USP37: variants seen among roughly 807,000 people sequenced by gnomAD.
USP37 encodes the protein ubiquitin specific peptidase 37.
In USP37, 27 loss-of-function variants were observed where a neutral mutation model predicts 124.0. The ratio of observed to expected loss-of-function variants is 0.22; its 90% CI spans 0.16 to 0.30. The LOEUF is 0.30. Among genes scored for constraint, USP37 ranks in the 10% least tolerant of loss-of-function variants. The probability of loss-of-function intolerance (pLI) is 1.00; values close to 1 mark genes in which losing one functional copy is unlikely to be tolerated. For missense variants in USP37, 889 were observed against 1,140.4 expected (o/e 0.78, Z 3.17); for synonymous variants, 365 against 388.0 (o/e 0.94, Z 0.70).
chr2:218,535,285 G>A (rs1691560558), intron 8 of USP37, among the ~76,000 whole-genome samples: 1 of 151,818 alleles, frequency 6.6e-6, no homozygotes, highest in Non-Finnish European at 1.5e-5. Context: ...AGAATCACTT[G>A]AACCTGGGAG....
chr2:218,527,102 C>T (rs544887098), intron 10 of USP37, among the ~76,000 whole-genome samples: 5 of 152,188 alleles, frequency 3.3e-5, no homozygotes, highest in Non-Finnish European at 5.9e-5. Context: ...TTTATCATCT[C>T]GGTTTCCTTG....
intron 11 of USP37, among the ~76,000 whole-genome samples, chr2:218,506,836 G>A (rs6755376): frequency 0.058 from 8,600 of 149,042 alleles, 363 homozygotes; most frequent in East Asian, 0.12. Context: ...TTGCTCTGTC[G>A]CCCAGGCTGG....
intron 22 of USP37, among the ~76,000 whole-genome samples, chr2:218,461,248 C>T (rs1406082905): frequency 2.0e-5 from 3 of 152,148 alleles, no homozygotes; most frequent in African/African-American, 2.4e-5. Context: ...TGGCTCACAC[C>T]TGTAATCCCA....
chr2:218,545,784 G>C (rs1389821401), intron 8 of USP37, among the ~76,000 whole-genome samples: 1 of 152,110 alleles, frequency 6.6e-6, no homozygotes, highest in African/African-American at 2.4e-5. Context: ...ATCTCTGAAA[G>C]ATTAATGCTA....
At chr2:218,458,049 A>G (rs2106404449) in intron 23 of USP37, among the ~76,000 whole-genome samples, 1 of 150,910 alleles carries the variant, frequency 6.6e-6, no homozygotes, top group South Asian at 2.1e-4. Flanking sequence ...CAAAAAAAAA[A>G]AAAAAGAAAA....
Position 218,453,472 on chromosome 2 carries a change from T to C in USP37, c.*1458A>G, listed in dbSNP as rs1481044549. On this transcript the variant is annotated 3_prime_UTR_variant, in exon 26 of 26. Transcript: ENST00000258399. The stretch of plus-strand genomic sequence containing the variant: ...TAAAGAATAATCCCCTTGTTTATAA[T>C]AAAAGAAAAAACACGAAAGAATATA... 4.6e-5 allele frequency: 7 copies of C among 152,240 alleles called. No individual in the cohort carries two copies. Among genetic ancestry groups the C allele is most frequent in the Admixed American group, 3.9e-4 (6 of 15,286 alleles). 9.4% of individuals were successfully genotyped at this position (152,240 alleles called of 1,614,324 possible).
chr2:218,558,476 C>G lies in USP37; in HGVS notation c.156+22G>C, dbSNP rs139504905. 2.6e-5 allele frequency: 41 copies of G among 1,601,018 alleles called. No individual in the cohort carries two copies. The East Asian group carries it at 9.2e-4, about 36-fold the overall frequency. ...TAAATGATCTGCTTCAAGAGCTATT[C>G]CAAATCAATATTTGGTATTACCTGA... On this transcript the variant is annotated intron_variant, in intron 4 of 25. Transcript: ENST00000258399.
At chr2:218,554,546 A>C (rs1692848773) in intron 4 of USP37, among the ~76,000 whole-genome samples, 1 of 152,174 alleles carries the variant, frequency 6.6e-6, no homozygotes, top group East Asian at 1.9e-4. Context: ...CAGGAGTTCA[A>C]GACCAGCCTG....
chr2:218,510,286 C>T, intron 10 of USP37, 146 bp from the exon 11 acceptor site: 3 of 846,660 alleles, frequency 3.5e-6, no homozygotes, highest in South Asian at 2.1e-5. Context: ...TAAGGGAAAA[C>T]TCTACAAACG....
At chr2:218,459,752 G>C in intron 23 of USP37, 38 bp downstream of exon 23, 1 of 1,567,312 alleles carries the variant, frequency 6.4e-7, no homozygotes, top group South Asian at 1.1e-5. Context: ...GAGTGACACT[G>C]AATTTGACCA....
rs1382299221 is a variant in USP37 at position 218,455,817 on chromosome 2, G to A, written c.2714-99C>T. On this transcript the variant is annotated intron_variant, in intron 24 of 25. Transcript: ENST00000258399. ...AATCTCAGCACTTTGGGAGGCTGAG[G>A]CAGGCGGATCACGAGGTCAGGAGTT... The A allele has an allele frequency of 1.2e-5, 16 of 1,299,706 alleles. No individual in the cohort carries two copies. The African/African-American group carries it at 1.8e-4, about 15-fold the overall frequency. 80.5% of individuals were successfully genotyped at this position (1,299,706 alleles called of 1,614,324 possible). A position where few individuals can be genotyped will look rare whatever the true frequency, so the allele number is the denominator to read the frequency against.
At chr2:218,521,431 C>T (rs2106014628) in intron 10 of USP37, among the ~76,000 whole-genome samples, 1 of 152,192 alleles carries the variant, frequency 6.6e-6, no homozygotes, top group East Asian at 1.9e-4. Context: ...ATCAACCCAC[C>T]ATCTAGGTTT....
At chr2:218,501,047 T>C (rs1352290792) in intron 11 of USP37, 2 of 154,570 alleles carry the variant, frequency 1.3e-5, no homozygotes, top group Non-Finnish European at 2.9e-5. Flanking sequence ...CAATCTTTTT[T>C]TTTTTTTTTT....
In USP37 at chr2:218,488,424, G is replaced by A. The variant is rs948898328; in HGVS notation, c.1473-3C>T. On this transcript the variant is annotated splice_polypyrimidine_tract_variant and splice_region_variant and intron_variant, in intron 14 of 25. Coordinates refer to ENST00000258399, the MANE Select transcript of USP37 (RefSeq NM_020935.3). ...TTTTGGGGATAATCTCTCCACATCT[G>A]TAAGAATAAAATGAGACATGTAAGC... 2 of 1,570,918 alleles carry A rather than the reference G, an allele frequency of 1.3e-6. No homozygotes were observed. The highest frequency in any genetic ancestry group is 3.7e-5 in the Admixed American group (2 of 53,732).
At chr2:218,550,393 A>G (rs1692596191) in intron 5 of USP37, among the ~76,000 whole-genome samples, 2 of 152,120 alleles carry the variant, frequency 1.3e-5, no homozygotes, top group Admixed American at 1.3e-4. Context: ...AGGAACATTC[A>G]AGGTATTGTA....
At chr2:218,554,746 C>CA (rs35776200) in intron 4 of USP37, among the ~76,000 whole-genome samples, 64,495 of 121,884 alleles carry the variant, frequency 0.53, 17,152 homozygotes, top group East Asian at 0.79. Context: ...AACTTTGTCT[C>CA]AAAAAAAAAA....
chr2:218,555,596 T>A (rs1157032427), intron 4 of USP37, among the ~76,000 whole-genome samples: 3 of 152,148 alleles, frequency 2.0e-5, no homozygotes, highest in African/African-American at 7.2e-5. Context: ...GTTTGTTCAT[T>A]AACAAAAAAG....
Position 218,457,173 on chromosome 2 carries a change from A to G in USP37, c.2644-12T>C, listed in dbSNP as rs748623530. Reference sequence around the variant, plus strand: ...GGCAGATTTCCTGTCTGGAAAACAGAAGTGGGTATAACTTTTAAGTCTTCA... The same window carrying G: ...GGCAGATTTCCTGTCTGGAAAACAGGAGTGGGTATAACTTTTAAGTCTTCA... On this transcript the variant is annotated splice_polypyrimidine_tract_variant and intron_variant, in intron 23 of 25. Coordinates refer to ENST00000258399, the MANE Select transcript of USP37 (RefSeq NM_020935.3). The G allele has an allele frequency of 6.2e-7, 1 of 1,612,102 alleles. No individual in the cohort carries two copies.
chr2:218,515,208 A>C (rs1690208873), intron 10 of USP37, among the ~76,000 whole-genome samples: 1 of 152,008 alleles, frequency 6.6e-6, no homozygotes, highest in South Asian at 2.1e-4. Flanking sequence ...TTCATAGGGA[A>C]CTTTTTTTTT....
Sources: allele counts gnomAD v4.1 joint callset (sites outside exome capture counted in the v4.1 genomes callset), GRCh38; gene constraint gnomAD v4.1.1; transcripts MANE v1.5; gene names NCBI Gene and HGNC (gene_info 2026-07-23, HGNC 2026-07-21).